The following LY96 variants were observed in gnomAD, a reference collection of about 807,000 sequenced individuals.
LY96 encodes myeloid differentiation protein-2.
LY96 carries 18 observed loss-of-function variants against 18.9 expected under a neutral mutation model. That is an observed-to-expected ratio of 0.95 (90% CI 0.66 to 1.41). The LOEUF (loss-of-function observed/expected upper bound fraction) is 1.41. LY96 is among the 40% of genes most tolerant of loss of function. The pLI, the probability that LY96 is intolerant of heterozygous loss-of-function variation, is 0.00. For synonymous variants in LY96, 66 were observed against 62.6 expected (o/e 1.06, Z -0.26); for missense variants, 175 against 182.4 (o/e 0.96, Z 0.23).
At chr8:73,996,317 T>TTTCCTTCCTTCCTTCCTTCCTTCC (rs58734426) in intron 1 of LY96, among the ~76,000 whole-genome samples, 2 of 116,288 alleles carry the variant, frequency 1.7e-5, no homozygotes, top group Non-Finnish European at 3.6e-5. Context: ...ACCTGTTTCT[T>TTTCCTTCCTTCCTTCCTTCCTTCC]TTCCTTCCTT....
At chr8:74,041,706 A>ACC in the LY96 span, among the ~76,000 whole-genome samples, 3 of 150,576 alleles carry the variant, frequency 2.0e-5, no homozygotes, top group African/African-American at 4.9e-5. Context: ...GGGTGGGGAA[A>ACC]CCCCCCCCAC....
chr8:74,062,813 T>C, the LY96 span, among the ~76,000 whole-genome samples: 34 of 152,296 alleles, frequency 2.2e-4, no homozygotes, highest in Middle Eastern at 3.4e-3. Flanking sequence ...GCCATAGTCA[T>C]ATGGTTAGTC....
At chr8:74,052,551 C>T in the LY96 span, 3 of 152,032 alleles carry the variant, frequency 2.0e-5, no homozygotes, top group African/African-American at 4.8e-5. Flanking sequence ...ACTGGAGACT[C>T]CTTTTGGGAC....
At chr8:74,049,552 G>A in the LY96 span, among the ~76,000 whole-genome samples, 2 of 152,172 alleles carry the variant, frequency 1.3e-5, no homozygotes, top group African/African-American at 4.8e-5. Context: ...AAATAAGGGC[G>A]AAAGGAAATA....
At chr8:74,097,624 G>A in the LY96 span, among the ~76,000 whole-genome samples, 3 of 152,126 alleles carry the variant, frequency 2.0e-5, no homozygotes, top group African/African-American at 7.2e-5. Flanking sequence ...CAGGAGAATC[G>A]CTTGAACCCG....
the LY96 span, among the ~76,000 whole-genome samples, chr8:74,064,856 T>G: frequency 6.6e-6 from 1 of 152,196 alleles, no homozygotes; most frequent in Admixed American, 6.5e-5. Context: ...ACTAATAATA[T>G]GTTTAAAATA....
Position 74,007,142 on chromosome 8 carries a change from C to T in LY96, c.202+2257C>T, listed in dbSNP as rs181863914. Among the ~76,000 whole-genome samples, 5 of 152,324 alleles carry T rather than the reference C, an allele frequency of 3.3e-5. No individual in the cohort carries two copies. In the East Asian group the frequency reaches 9.7e-4, roughly 29 times the overall value. ...GAGCAGAATGCCTGTTGTAAGAGACCCATGACAGGCGGGAGTAGCCTGGCT... is the reference window on the plus strand; with the variant it reads ...GAGCAGAATGCCTGTTGTAAGAGACTCATGACAGGCGGGAGTAGCCTGGCT... On this transcript the variant is annotated intron_variant, in intron 2 of 4. Coordinates refer to ENST00000284818, the MANE Select transcript of LY96 (RefSeq NM_015364.5).
chr8:74,055,928 GA>G, the LY96 span: 1 of 152,552 alleles, frequency 6.6e-6, no homozygotes, highest in African/African-American at 2.4e-5. Context: ...CAGCAAAAAG[GA>G]AGCCAAGAAG....
chr8:74,033,530 A>G (rs548480678), downstream of LY96, among the ~76,000 whole-genome samples: 2 of 152,316 alleles, frequency 1.3e-5, no homozygotes, highest in East Asian at 3.9e-4. Flanking sequence ...GAGAATACTT[A>G]TGAGCAGGGG....
the LY96 span, among the ~76,000 whole-genome samples, chr8:74,063,994 A>G: frequency 1.3e-5 from 2 of 152,152 alleles, no homozygotes; most frequent in African/African-American, 4.8e-5. Context: ...AATAATCCAT[A>G]CATTACAGCT....
At chr8:74,033,930 T>C (rs1253669553), downstream of LY96, among the ~76,000 whole-genome samples, 1 of 151,858 alleles carries the variant, frequency 6.6e-6, no homozygotes, top group East Asian at 1.9e-4. Flanking sequence ...GGGCTTTGAC[T>C]AGAATAACAT....
At chr8:74,023,632 C>G (rs915319587) in intron 3 of LY96, among the ~76,000 whole-genome samples, 12 of 152,054 alleles carry the variant, frequency 7.9e-5, no homozygotes, top group African/African-American at 2.9e-4. Context: ...GGGGTCATTC[C>G]CTCAGGCTGT....
At chr8:74,061,970 C>T in the LY96 span, among the ~76,000 whole-genome samples, 2 of 152,180 alleles carry the variant, frequency 1.3e-5, no homozygotes, top group African/African-American at 2.4e-5. Flanking sequence ...AAAAAAAGCG[C>T]TCCAATCAGA....
the LY96 span, among the ~76,000 whole-genome samples, chr8:74,048,270 T>C: frequency 0.023 from 3,452 of 152,144 alleles, 127 homozygotes; most frequent in African/African-American, 0.076. Context: ...TCTATTTTTT[T>C]TTTTTTTTGA....
intron 4 of LY96, among the ~76,000 whole-genome samples, chr8:74,027,824 C>G (rs946038032): frequency 1.3e-5 from 2 of 152,108 alleles, no homozygotes; most frequent in Non-Finnish European, 2.9e-5. Flanking sequence ...GTCCTGAAGA[C>G]CTTCATCTGG....
At chr8:74,081,040 TTCTTTCTTTTTC>T in the LY96 span, among the ~76,000 whole-genome samples, 1 of 124,816 alleles carries the variant, frequency 8.0e-6, no homozygotes, top group African/African-American at 4.0e-5. Context: ...CTTTCTTTCT[TTCTTTCTTTTTC>T]TTTCTTTCTT....
chr8:74,094,441 A>G, the LY96 span, among the ~76,000 whole-genome samples: 2 of 151,994 alleles, frequency 1.3e-5, no homozygotes, highest in East Asian at 3.9e-4. Flanking sequence ...GATATTTGAA[A>G]CCCTTTATGT....
At chr8:73,991,615 G>A (rs1816005734) in intron 1 of LY96, 61 bp downstream of exon 1, 4 of 973,978 alleles carry the variant, frequency 4.1e-6, no homozygotes, top group African/African-American at 1.6e-5. Flanking sequence ...AAGTTTTCAC[G>A]AGAACCGTAC....
chr8:74,013,092 G>A (rs1041935656), intron 3 of LY96, among the ~76,000 whole-genome samples: 1 of 151,842 alleles, frequency 6.6e-6, no homozygotes, highest in Non-Finnish European at 1.5e-5. Flanking sequence ...GAGTAGCAAG[G>A]ACTACAGGCA....
Sources: allele counts gnomAD v4.1 joint callset (sites outside exome capture counted in the v4.1 genomes callset), GRCh38; gene constraint gnomAD v4.1.1; transcripts MANE v1.5; gene names NCBI Gene and HGNC (gene_info 2026-07-23, HGNC 2026-07-21).